ZNF578: variants seen among roughly 807,000 people sequenced by gnomAD.
The protein encoded by ZNF578 is Putative chemokine-related protein B42.
Under a neutral mutation model 8.3 loss-of-function variants are expected in ZNF578, and 8 were observed. The observed-to-expected ratio is 0.96, with a 90% confidence interval of 0.56 to 1.74. ZNF578 has a LOEUF of 1.74. Ranked by LOEUF, ZNF578 falls within the 40% of genes most tolerant of loss-of-function variation. The probability of loss-of-function intolerance (pLI) is 0.00; values close to 1 mark genes in which losing one functional copy is unlikely to be tolerated. For missense variants in ZNF578, 726 were observed against 707.5 expected, an observed-to-expected ratio of 1.03 and a Z score of -0.30; for synonymous variants, 206 against 232.2, an observed-to-expected ratio of 0.89 and a Z score of 1.03.
intron 4 of ZNF578, among the ~76,000 whole-genome samples, chr19:52,503,559 T>C (rs2059414879): frequency 6.6e-6 from 1 of 152,200 alleles, no homozygotes; most frequent in Non-Finnish European, 1.5e-5. Flanking sequence ...GTTCCCAGGC[T>C]GGTCTTGAAT....
At chr19:52,455,021 C>G (rs986471886) in intron 1 of ZNF578, 1 of 152,186 alleles carries the variant, frequency 6.6e-6, no homozygotes, top group African/African-American at 2.4e-5. Flanking sequence ...TCAGTATTGA[C>G]TGGGAAGGAT....
Position 52,459,713 on chromosome 19 carries a change from ATGTGTG to A in ZNF578, c.-122+2789_-122+2794del, listed in dbSNP as rs1555751309. On this transcript the variant is annotated intron_variant, in intron 2 of 5. Transcript: ENST00000421239. ...TGGGTATGAGTGTGTATATGTAGAT[ATGTGTG>A]TGTGTGTGTGTGTGTGTGTGTGTGT... Among the ~76,000 whole-genome samples the A allele has an allele frequency of 5.1e-3, 93 of 18,236 alleles. 1 individual carries two copies. Among genetic ancestry groups the A allele is most frequent in the African/African-American group, 6.5e-3 (46 of 7,034 alleles). 12.0% of individuals were successfully genotyped at this position (18,236 alleles called of 152,430 possible).
At chr19:52,499,296 C>CA (rs1279488547) in intron 3 of ZNF578, among the ~76,000 whole-genome samples, 1 of 152,100 alleles carries the variant, frequency 6.6e-6, no homozygotes, top group Non-Finnish European at 1.5e-5. Flanking sequence ...CCAAGATGAG[C>CA]AAAAACAGGG....
At chr19:52,461,800 CA>C (rs955621852) in intron 2 of ZNF578, among the ~76,000 whole-genome samples, 14 of 152,192 alleles carry the variant, frequency 9.2e-5, no homozygotes, top group African/African-American at 3.4e-4. Context: ...ATTTTCCTTC[CA>C]AACTCGAATA....
Position 52,510,955 on chromosome 19 carries a change from A to G in ZNF578, c.574A>G (p.Thr192Ala), listed in dbSNP as rs756886303. The G allele has an allele frequency of 6.3e-5, 102 of 1,614,096 alleles. No homozygotes were observed. The highest frequency in any genetic ancestry group is 1.6e-4 in the Middle Eastern group (1 of 6,084). ...KSVNDASSIS[T>A]SQRISCRPET... ...TGTCAACGATGCTTCCTCAATTTCA[A>G]CATCCCAAAGAATTTCTTGTAGGCC... The change falls in exon 6 of 6, where the codon ACA becomes GCA. Residue 192 changes from threonine to alanine, a missense_variant. By Grantham distance (58) the Thr-to-Ala change is moderately conservative. Transcript: ENST00000421239.
intron 1 of ZNF578, chr19:52,456,288 G>A (rs1372837155): frequency 6.6e-6 from 1 of 151,992 alleles, no homozygotes; most frequent in Non-Finnish European, 1.5e-5. Context: ...CAGAAGATAG[G>A]GGTTGTTCTG....
chr19:52,458,625 A>G (rs1439630091), intron 2 of ZNF578: 1 of 151,620 alleles, frequency 6.6e-6, no homozygotes, highest in East Asian at 1.9e-4. Flanking sequence ...GTATTTTAGT[A>G]TGTGTTTTAA....
Position 52,459,772 on chromosome 19 carries a change from T to A in ZNF578, c.-122+2814T>A, listed in dbSNP as rs1248005189. On this transcript the variant is annotated intron_variant, in intron 2 of 5. Transcript: ENST00000421239. ...GTGTGTATATATATATATATATATT[T>A]TTTTTTTTTTTTTTTTTTTTTGAGA... Among the ~76,000 whole-genome samples the A allele has an allele frequency of 9.3e-4, 53 of 56,804 alleles. 7 individuals are homozygous for A. The highest frequency in any genetic ancestry group is 1.1e-3 in the Admixed American group (6 of 5,544). The allele number at this position is 56,804 out of a possible 152,430, so 37.3% of individuals were successfully genotyped here. A position where few individuals can be genotyped will look rare whatever the true frequency, so the allele number is the denominator to read the frequency against.
intron 2 of ZNF578, among the ~76,000 whole-genome samples, chr19:52,481,312 G>C (rs1388066817): frequency 1.3e-5 from 2 of 152,080 alleles, no homozygotes; most frequent in South Asian, 4.1e-4. Context: ...ATGTTGCCGT[G>C]GACCCTGTTG....
chr19:52,469,157 G>GT (rs1325423361), intron 2 of ZNF578, among the ~76,000 whole-genome samples: 86 of 32,934 alleles, frequency 2.6e-3, no homozygotes, highest in South Asian at 8.2e-3. Flanking sequence ...ACCTGGAGTG[G>GT]TTTTTTTTTG....
chr19:52,481,525 T>G (rs1375532869), intron 2 of ZNF578, among the ~76,000 whole-genome samples: 1 of 152,176 alleles, frequency 6.6e-6, no homozygotes, highest in African/African-American at 2.4e-5. Flanking sequence ...CATATGAGAT[T>G]GAGAATTTTA....
chr19:52,478,534 A>G (rs561941952), intron 2 of ZNF578, among the ~76,000 whole-genome samples: 3 of 151,936 alleles, frequency 2.0e-5, no homozygotes, highest in Admixed American at 1.3e-4. Context: ...TTTATTTTCA[A>G]CTGGTGCTGT....
intron 4 of ZNF578, among the ~76,000 whole-genome samples, chr19:52,503,321 C>G (rs1216308307): frequency 2.0e-5 from 3 of 152,108 alleles, no homozygotes; most frequent in African/African-American, 7.2e-5. Context: ...GCTGGCATTC[C>G]AAATGGGAGA....
intron 1 of ZNF578, chr19:52,456,619 T>C (rs930558055): frequency 6.6e-6 from 1 of 152,326 alleles, no homozygotes. Context: ...GTATGTGGGC[T>C]TCTCCAGGTG....
At chr19:52,488,638 G>A (rs1425510332) in intron 2 of ZNF578, among the ~76,000 whole-genome samples, 6 of 151,668 alleles carry the variant, frequency 4.0e-5, no homozygotes, top group African/African-American at 1.2e-4. Context: ...ACCAAAATTA[G>A]CCAGGCGTGG....
At chr19:52,454,900 T>C (rs1046347138) in intron 1 of ZNF578, 2 of 152,120 alleles carry the variant, frequency 1.3e-5, no homozygotes, top group African/African-American at 4.8e-5. Flanking sequence ...AAGTAAAGTA[T>C]CCTGTGTTGA....
chr19:52,503,374 C>G (rs2059414231), intron 4 of ZNF578, among the ~76,000 whole-genome samples: 3 of 152,280 alleles, frequency 2.0e-5, no homozygotes, highest in Middle Eastern at 3.4e-3. Flanking sequence ...GAGATGGAGT[C>G]TCTCTCTGTT....
In ZNF578 at chr19:52,511,705, C is replaced by T; in HGVS notation, c.1324C>T (p.Leu442Phe). 1 of 1,613,826 alleles carries T rather than the reference C, an allele frequency of 6.2e-7. No homozygotes were observed. The highest frequency in any genetic ancestry group is 8.5e-7 in the Non-Finnish European group (1 of 1,179,926). ...CGKAFIHQSS[L>F]ARHHRLHTGE... ...TAAGGCTTTTATTCATCAGTCAAGC[C>T]TTGCACGTCATCATAGACTTCATAC... The change falls in exon 6 of 6, where the codon CTT becomes TTT. Residue 442 changes from leucine to phenylalanine, a missense_variant. By Grantham distance (22) the Leu-to-Phe change is conservative. Coordinates refer to ENST00000421239, the MANE Select transcript of ZNF578 (RefSeq NM_001099694.2).
rs1750698350 is a variant in ZNF578 at position 52,456,919 on chromosome 19, G to A, written c.-161G>A. On this transcript the variant is annotated 5_prime_UTR_variant, in exon 2 of 6. Transcript: ENST00000421239. ...TCTCCTAAGGAAGAAGCCTAGAAGA[G>A]GAGGAAGAGGAAAGAAAAGGAGTCA... 1 of 153,370 alleles carries A rather than the reference G, an allele frequency of 6.5e-6. No homozygotes were observed. Among genetic ancestry groups the A allele is most frequent in the African/African-American group, 2.4e-5 (1 of 41,428 alleles). 9.5% of individuals were successfully genotyped at this position (153,370 alleles called of 1,614,324 possible). A position where few individuals can be genotyped will look rare whatever the true frequency, so the allele number is the denominator to read the frequency against.
Sources: gnomAD v4.1 joint callset for allele counts (sites outside exome capture counted in the v4.1 genomes callset) on GRCh38, gnomAD v4.1.1 for gene constraint, MANE v1.5 for transcripts, NCBI Gene and HGNC (gene_info 2026-07-23, HGNC 2026-07-21) for gene names.